Variants in FAM120A observed in about 807,000 individuals in gnomAD.
FAM120A encodes constitutive coactivator of PPAR-gamma-like protein 1.
In FAM120A, 15 loss-of-function variants were observed where a neutral mutation model predicts 109.7. The observed-to-expected ratio is 0.14, with a 90% CI of 0.09 to 0.21. The LOEUF (loss-of-function observed/expected upper bound fraction) is 0.21. Ranked by LOEUF, FAM120A falls within the 10% of genes least tolerant of loss-of-function variation. FAM120A has a pLI of 1.00. For missense variants in FAM120A, 899 were observed against 1,439.3 expected, an observed-to-expected ratio of 0.62 and a Z score of 6.07; for synonymous variants, 493 against 572.8, an observed-to-expected ratio of 0.86 and a Z score of 1.99.
At chr9:93,465,799 G>A (rs979732668) in intron 1 of FAM120A, among the ~76,000 whole-genome samples, 1 of 151,992 alleles carries the variant, frequency 6.6e-6, no homozygotes, top group Non-Finnish European at 1.5e-5. Context: ...TTTCTGTTCC[G>A]GGACCCTGGT....
intron 3 of FAM120A, among the ~76,000 whole-genome samples, chr9:93,481,626 C>A (rs1858811920): frequency 6.6e-6 from 1 of 152,200 alleles, no homozygotes; most frequent in African/African-American, 2.4e-5. Flanking sequence ...GTATTCCCAA[C>A]CACTGAGCCC....
intron 10 of FAM120A, among the ~76,000 whole-genome samples, chr9:93,538,039 CT>C (rs3841292): frequency 0.29 from 43,066 of 146,728 alleles, 7,103 homozygotes; most frequent in East Asian, 0.41. Context: ...TCCTTGTACT[CT>C]TTTTTTTTTT....
intron 5 of FAM120A, among the ~76,000 whole-genome samples, chr9:93,505,391 C>T (rs1396517227): frequency 6.6e-6 from 1 of 152,096 alleles, no homozygotes; most frequent in Non-Finnish European, 1.5e-5. Flanking sequence ...GGTTGTTTTT[C>T]TTTTTGCTTA....
In FAM120A at chr9:93,558,569, C is replaced by T. The variant is rs755208652; in HGVS notation, c.2669-12C>T. On this transcript the variant is annotated splice_polypyrimidine_tract_variant and intron_variant, in intron 14 of 17. Transcript: ENST00000277165. ...ACACTTCTCCCCTCTCTCTCTACCC[C>T]GGGTCCCACAGGCGTCTGTGGCTTT... is the stretch of plus-strand genomic sequence containing the variant. 23 of 1,613,738 alleles carry T rather than the reference C, an allele frequency of 1.4e-5. No individual in the cohort carries two copies. The highest frequency in any genetic ancestry group is 5.5e-5 in the South Asian group (5 of 91,070).
At chr9:93,553,968 C>G (rs1403031766) in intron 12 of FAM120A, among the ~76,000 whole-genome samples, 1 of 152,040 alleles carries the variant, frequency 6.6e-6, no homozygotes, top group East Asian at 1.9e-4. Flanking sequence ...ACACTGCAGT[C>G]AAGATTTTAT....
chr9:93,488,549 A>G (rs1859170780), intron 3 of FAM120A, among the ~76,000 whole-genome samples: 1 of 152,062 alleles, frequency 6.6e-6, no homozygotes, highest in Non-Finnish European at 1.5e-5. Context: ...ATATTTCTCC[A>G]GACAAGTCCC....
intron 5 of FAM120A, among the ~76,000 whole-genome samples, chr9:93,512,353 G>A: frequency 6.6e-6 from 1 of 152,224 alleles, no homozygotes; most frequent in Non-Finnish European, 1.5e-5. Context: ...CTTTGAGGAA[G>A]TAGGTGACTG....
In FAM120A at chr9:93,529,535, C is replaced by T; in HGVS notation, c.1689C>T (p.His563=). 2 of 1,614,232 alleles carry T rather than the reference C, an allele frequency of 1.2e-6. No homozygotes were observed. The highest frequency in any genetic ancestry group is 1.1e-5 in the South Asian group (1 of 91,080). ...PEVLRVAEHR[H]KKGLMYPYIF... ...TGCTGAGAGTGGCCGAGCACAGGCACAAGAAGGGGCTGATGTACCCCTACA... is the reference window on the plus strand; with the variant it reads ...TGCTGAGAGTGGCCGAGCACAGGCATAAGAAGGGGCTGATGTACCCCTACA... The change falls in exon 9 of 18, where the codon CAC becomes CAT. Residue 563 remains histidine (H), a synonymous_variant. Coordinates refer to ENST00000277165, the MANE Select transcript of FAM120A (RefSeq NM_014612.5).
intron 3 of FAM120A, among the ~76,000 whole-genome samples, chr9:93,497,077 TGAAA>T (rs1429528456): frequency 6.6e-6 from 1 of 152,190 alleles, no homozygotes; most frequent in African/African-American, 2.4e-5. Flanking sequence ...TGGTTGGTGT[TGAAA>T]GAAAGGGAGC....
chr9:93,453,177 C>T, intron 1 of FAM120A: 8 of 1,000,702 alleles, frequency 8.0e-6, no homozygotes, highest in Non-Finnish European at 9.5e-6. Context: ...ACTACGCGGG[C>T]GTGAACTCGC....
chr9:93,481,663 G>A (rs888052988), intron 3 of FAM120A, among the ~76,000 whole-genome samples: 1 of 152,162 alleles, frequency 6.6e-6, no homozygotes. Flanking sequence ...CTCCTTGTCT[G>A]GGACACCCCA....
chr9:93,518,938 T>C (rs570662185), intron 7 of FAM120A, among the ~76,000 whole-genome samples: 1 of 152,352 alleles, frequency 6.6e-6, no homozygotes, highest in East Asian at 1.9e-4. Context: ...TGATTTTTTT[T>C]TTAAAGCTCA....
chr9:93,524,443 A>G (rs1032969954), intron 7 of FAM120A, among the ~76,000 whole-genome samples: 7 of 152,220 alleles, frequency 4.6e-5, no homozygotes, highest in African/African-American at 9.7e-5. Context: ...ACAGTTTGCT[A>G]TCTTTCCAGG....
At chr9:93,467,514 C>T (rs1433741566) in intron 1 of FAM120A, among the ~76,000 whole-genome samples, 9 of 152,042 alleles carry the variant, frequency 5.9e-5, no homozygotes, top group South Asian at 2.1e-4. Flanking sequence ...GCGTAGACTC[C>T]GATTTCCCTC....
chr9:93,460,126 A>G (rs1352841513), intron 1 of FAM120A, among the ~76,000 whole-genome samples: 1 of 152,198 alleles, frequency 6.6e-6, no homozygotes, highest in Admixed American at 6.5e-5. Context: ...AACACATATT[A>G]CACATTCCAA....
intron 3 of FAM120A, among the ~76,000 whole-genome samples, chr9:93,483,288 A>C (rs1214445089): frequency 2.0e-5 from 3 of 152,232 alleles, no homozygotes; most frequent in South Asian, 4.1e-4. Flanking sequence ...AGCTAAGAAA[A>C]ACTTCCTAAA....
rs1438871723 is a variant in FAM120A, at chr9:93,452,690, A to G, written c.474+301A>G. The stretch of plus-strand genomic sequence containing the variant: ...GGAGGCGACAGTGTCATCATCCCCA[A>G]TATCCTTAGTTTTTCCCATCCTATT... On this transcript the variant is annotated intron_variant, in intron 1 of 17. Transcript: ENST00000277165. This position sits in a 1 kb window ranked among gnomAD's most constrained non-coding sequence, Gnocchi z 7.0. 12 of 1,598,472 alleles carry G rather than the reference A, an allele frequency of 7.5e-6. No individual in the cohort carries two copies. The highest frequency in any genetic ancestry group is 4.0e-5 in the African/African-American group (3 of 74,902).
At chr9:93,489,705 C>T (rs542221848) in intron 3 of FAM120A, among the ~76,000 whole-genome samples, 2 of 152,306 alleles carry the variant, frequency 1.3e-5, no homozygotes, top group East Asian at 1.9e-4. Context: ...CAAATGTGTA[C>T]AGAATACTCA....
rs1325598995 is a variant in FAM120A at position 93,556,423 on chromosome 9, C to G, written c.2316C>G (p.Leu772=). The G allele has an allele frequency of 1.2e-6, 2 of 1,614,226 alleles. No homozygotes were observed. The highest frequency in any genetic ancestry group is 1.7e-6 in the Non-Finnish European group (2 of 1,180,040). Residue 772 remains leucine (L), a synonymous_variant, in exon 13 of 18, where the codon CTC becomes CTG. Transcript: ENST00000277165. ...CCCGAGGAATTCAGCTATCAGCTCT[C>G]TTCATGAGTGGAGTAGACATGGCCT... ...LDPRGIQLSA[L]FMSGVDMALF... is the part of the protein sequence containing the mutation.
Sources: allele counts gnomAD v4.1 joint callset (sites outside exome capture counted in the v4.1 genomes callset), GRCh38; gene constraint gnomAD v4.1.1; non-coding constraint Gnocchi (gnomAD v3.1); transcripts MANE v1.5; gene names NCBI Gene and HGNC (gene_info 2026-07-23, HGNC 2026-07-21).